Variants in ANAPC4 observed in about 807,000 individuals in gnomAD.
ANAPC4 encodes the protein anaphase promoting complex subunit 4, also known as anaphase-promoting complex subunit 4.
Under a neutral mutation model 119.8 loss-of-function variants are expected in ANAPC4, and 63 were observed. That is an observed-to-expected ratio of 0.53 (90% CI 0.43 to 0.65). ANAPC4 has a LOEUF of 0.65. Ranked by LOEUF, ANAPC4 falls within the 30% of genes least tolerant of loss-of-function variation. The pLI is 0.00. For missense variants in ANAPC4, 716 were observed against 945.1 expected, an observed-to-expected ratio of 0.76 and a Z score of 3.18; for synonymous variants, 283 against 318.6, an observed-to-expected ratio of 0.89 and a Z score of 1.19.
At chr4:25,407,353 C>A in intron 20 of ANAPC4, 100 bp downstream of exon 20, 1 of 817,978 alleles carries the variant, frequency 1.2e-6, no homozygotes, top group Non-Finnish European at 1.8e-6. Context: ...AGGATCTCTG[C>A]CCTTTTAGTA....
chr4:25,401,160 A>G (rs186899466), intron 16 of ANAPC4, among the ~76,000 whole-genome samples: 1 of 152,330 alleles, frequency 6.6e-6, no homozygotes, highest in African/African-American at 2.4e-5. Flanking sequence ...TCCCTGAATT[A>G]TCTTCCCTTG....
At chr4:25,415,680 G>T in intron 26 of ANAPC4, 140 bp downstream of exon 26, 1 of 640,948 alleles carries the variant, frequency 1.6e-6, no homozygotes, top group Non-Finnish European at 2.7e-6. Flanking sequence ...AGGATTCTTT[G>T]TGTATTTATA....
At chr4:25,398,290 AAGCAAGAAACAAGGACCT>A (rs1285035735) in intron 16 of ANAPC4, among the ~76,000 whole-genome samples, 1 of 152,216 alleles carries the variant, frequency 6.6e-6, no homozygotes, top group Admixed American at 6.5e-5. Context: ...GAGAAAAACC[AAGCAAGAAACAAGGACCT>A]AGGGCATGAT....
In ANAPC4 at chr4:25,396,892, C is replaced by A; in HGVS notation, c.1207C>A (p.Leu403Ile). The A allele has an allele frequency of 6.2e-7, 1 of 1,612,116 alleles. No homozygotes were observed. ...TTCTTTTATACTCAAGGCAAATGAACTTCTTCAGTAAGTATTGGGAGTACC... is the reference window on the plus strand; with the variant it reads ...TTCTTTTATACTCAAGGCAAATGAAATTCTTCAGTAAGTATTGGGAGTACC... Reference protein sequence around the residue: ...VGSFILKANELLQVIDSSMKN... With the variant: ...VGSFILKANEILQVIDSSMKN... The change falls in exon 16 of 29, where the codon CTT (leucine) becomes ATT (isoleucine). Residue 403 changes from leucine to isoleucine, a missense_variant. Transcript: ENST00000315368.
intron 12 of ANAPC4, 125 bp from the exon 13 acceptor site, chr4:25,394,546 G>T (rs756103524): frequency 1.0e-5 from 12 of 1,156,526 alleles, no homozygotes; most frequent in Non-Finnish European, 1.4e-5. Context: ...TACATGCGTA[G>T]AATTTTTTGT....
chr4:25,393,998 C>T (rs1236648639), intron 11 of ANAPC4, 107 bp downstream of exon 11: 3 of 958,216 alleles, frequency 3.1e-6, no homozygotes, highest in African/African-American at 1.7e-5. Flanking sequence ...AGGCTAAGAT[C>T]ATAATTTCTT....
intron 11 of ANAPC4, 56 bp from the exon 12 acceptor site, chr4:25,394,254 T>TA (rs1722513118): frequency 2.3e-5 from 32 of 1,393,484 alleles, no homozygotes; most frequent in Non-Finnish European, 3.1e-5. Flanking sequence ...TTTGAATAAA[T>TA]ATGCTTATAA....
At chr4:25,378,779 A>G (rs1721551644) in intron 2 of ANAPC4, among the ~76,000 whole-genome samples, 1 of 152,180 alleles carries the variant, frequency 6.6e-6, no homozygotes, top group Admixed American at 6.5e-5. Context: ...GATCGGTGTT[A>G]TTATTTGAGA....
chr4:25,380,499 A>G lies in ANAPC4; in HGVS notation c.235+20A>G, dbSNP rs759035699. 1 of 1,554,982 alleles carries G rather than the reference A, an allele frequency of 6.4e-7. No homozygotes were observed. The highest frequency in any genetic ancestry group is 1.2e-5 in the South Asian group (1 of 86,402). On this transcript the variant is annotated intron_variant, in intron 3 of 28. Coordinates refer to ENST00000315368, the MANE Select transcript of ANAPC4 (RefSeq NM_013367.3). ...GCAAACGTAATGATAATATTACAAA[A>G]AAAATATGTTTTTATTTTCACAAAG...
intron 7 of ANAPC4, among the ~76,000 whole-genome samples, chr4:25,389,668 G>A (rs1190983014): frequency 4.6e-5 from 7 of 152,064 alleles, no homozygotes; most frequent in Admixed American, 6.5e-5. Flanking sequence ...GTGGCCTTTC[G>A]TTTTATGAAG....
intron 20 of ANAPC4, among the ~76,000 whole-genome samples, chr4:25,409,341 A>G (rs930396163): frequency 7.9e-5 from 12 of 152,236 alleles, no homozygotes; most frequent in Non-Finnish European, 1.5e-4. Flanking sequence ...CAACATAATA[A>G]TCTTTTAATA....
chr4:25,409,593 C>A lies in ANAPC4; in HGVS notation c.1432-105C>A, dbSNP rs971913761. On this transcript the variant is annotated intron_variant, in intron 20 of 28. Transcript: ENST00000315368. ...AATAAACCGATTTTAGGCCCTAAGTCTTTGATTTACTAAACTTAACTTTTT... is the reference window on the plus strand; with the variant it reads ...AATAAACCGATTTTAGGCCCTAAGTATTTGATTTACTAAACTTAACTTTTT... 5 of 778,842 alleles carry A rather than the reference C, an allele frequency of 6.4e-6. No homozygotes were observed. In the African/African-American group the frequency reaches 8.8e-5, roughly 14 times the overall value. 48.2% of individuals were successfully genotyped at this position (778,842 alleles called of 1,614,324 possible).
Position 25,394,741 on chromosome 4 carries a change from A to G in ANAPC4, c.984+28A>G, listed in dbSNP as rs369573530. 2.1e-5 allele frequency: 34 copies of G among 1,604,096 alleles called. No homozygotes were observed. In the East Asian group the frequency reaches 3.4e-4, roughly 16 times the overall value. On this transcript the variant is annotated intron_variant, in intron 13 of 28. Transcript: ENST00000315368. ...GCAGTTAATGTATCTATGTATTCAA[A>G]TGGCTATGAACACATTCTTAATTTT...
chr4:25,411,497 G>A (rs1404745913), intron 21 of ANAPC4, among the ~76,000 whole-genome samples: 1 of 152,176 alleles, frequency 6.6e-6, no homozygotes, highest in Non-Finnish European at 1.5e-5. Context: ...AAAATCAAGT[G>A]CTAAATACTT....
chr4:25,392,788 C>T (rs189977269), intron 10 of ANAPC4, among the ~76,000 whole-genome samples: 1 of 152,258 alleles, frequency 6.6e-6, no homozygotes, highest in East Asian at 1.9e-4. Flanking sequence ...TCAGCTTAGC[C>T]AAGATGTTTG....
chr4:25,413,845 A>G, intron 22 of ANAPC4, 103 bp downstream of exon 22: 1 of 909,156 alleles, frequency 1.1e-6, no homozygotes, highest in Non-Finnish European at 1.7e-6. Flanking sequence ...AACTATGAAA[A>G]TGTTGATAGT....
chr4:25,406,809 T>C lies in ANAPC4; in HGVS notation c.1318-20T>C. ...GCTTTCTTTTATCTTGATTTTTCTTTTTGTTCCTTTTGTTGATAGATGACT... is the reference window on the plus strand; with the variant it reads ...GCTTTCTTTTATCTTGATTTTTCTTCTTGTTCCTTTTGTTGATAGATGACT... On this transcript the variant is annotated intron_variant, in intron 18 of 28. Transcript: ENST00000315368. The C allele has an allele frequency of 1.3e-6, 2 of 1,575,112 alleles. No individual in the cohort carries two copies. Among genetic ancestry groups the C allele is most frequent in the Non-Finnish European group, 1.7e-6 (2 of 1,158,340 alleles).
At chr4:25,394,998 T>C in intron 14 of ANAPC4, 93 bp downstream of exon 14, 1 of 952,490 alleles carries the variant, frequency 1.0e-6, no homozygotes, top group Non-Finnish European at 1.6e-6. Flanking sequence ...TGGCATTCTC[T>C]TTTTAAGCCT....
rs529390900 is a variant in ANAPC4 at position 25,377,545 on chromosome 4, A to G, written c.118A>G (p.Thr40Ala). 1.2e-5 allele frequency: 19 copies of G among 1,611,844 alleles called. No individual in the cohort carries two copies. The East Asian group carries it at 3.3e-4, about 28-fold the overall frequency. ...GCGGGATCTCATTGCTTTGGCCAAC[A>G]CAGCTGGCGAGGTGAGTGAGCCGGC... ...PKRDLIALAN[T>A]AGEVLLHRLA... Residue 40 changes from threonine to alanine, a missense_variant, in exon 2 of 29, where the codon ACA becomes GCA. By Grantham distance (58) the Thr-to-Ala change is moderately conservative. Around this residue, in one of 3 missense-constraint regions of ANAPC4, gnomAD observed 202 missense variants for 293.5 expected, o/e 0.69. Coordinates refer to ENST00000315368, the MANE Select transcript of ANAPC4 (RefSeq NM_013367.3).
Sources: gnomAD v4.1 joint callset for allele counts (sites outside exome capture counted in the v4.1 genomes callset) on GRCh38, gnomAD v4.1.1 for gene constraint, gnomAD v4.1.1 regional missense constraint, MANE v1.5 for transcripts, NCBI Gene and HGNC (gene_info 2026-07-23, HGNC 2026-07-21) for gene names.